Variants in ALK observed in about 807,000 individuals in gnomAD.
ALK encodes the protein ALK receptor tyrosine kinase.
Under a neutral mutation model 163.1 loss-of-function variants are expected in ALK, and 74 were observed. The observed-to-expected ratio is 0.45, with a 90% CI of 0.38 to 0.55. The LOEUF (loss-of-function observed/expected upper bound fraction) is 0.55, where lower values mean the gene tolerates loss of function less well. Among genes scored for constraint, ALK ranks in the 20% least tolerant of loss-of-function variants. The probability of loss-of-function intolerance (pLI) is 0.00; values close to 1 mark genes in which losing one functional copy is unlikely to be tolerated. For synonymous variants in ALK, 960 were observed against 843.2 expected, an observed-to-expected ratio of 1.14 and a Z score of -2.40; for missense variants, 2,063 against 2,105.3, an observed-to-expected ratio of 0.98 and a Z score of 0.39.
chr2:29,336,540 T>G (rs762827148), intron 5 of ALK, among the ~76,000 whole-genome samples: 1 of 152,216 alleles, frequency 6.6e-6, no homozygotes, highest in African/African-American at 2.4e-5. Context: ...TGGAGACACA[T>G]GTGGCCCAGG....
At chr2:29,408,425 A>C (rs1322911848) in intron 4 of ALK, among the ~76,000 whole-genome samples, 1 of 152,074 alleles carries the variant, frequency 6.6e-6, no homozygotes, top group Non-Finnish European at 1.5e-5. Flanking sequence ...CCAGGAGCTC[A>C]GGATGGAGTG....
chr2:29,280,592 AG>A (rs1665689057), intron 9 of ALK, among the ~76,000 whole-genome samples: 1 of 146,878 alleles, frequency 6.8e-6, no homozygotes, highest in African/African-American at 2.6e-5. Flanking sequence ...ATTCAGGGAA[AG>A]TTCTAGTATG....
At chr2:29,881,844 C>T (rs1011821077) in intron 1 of ALK, among the ~76,000 whole-genome samples, 1 of 152,110 alleles carries the variant, frequency 6.6e-6, no homozygotes. Context: ...TGTACTCCCC[C>T]ATTTTCCCTC....
intron 12 of ALK, among the ~76,000 whole-genome samples, chr2:29,249,832 G>A (rs942300267): frequency 3.9e-5 from 6 of 152,176 alleles, no homozygotes; most frequent in Non-Finnish European, 7.3e-5. Flanking sequence ...GGGGTGGTCC[G>A]GTGTCTTCCG....
At chr2:29,831,001 A>G (rs755085757) in intron 1 of ALK, among the ~76,000 whole-genome samples, 2,397 of 47,696 alleles carry the variant, frequency 0.05, 112 homozygotes, top group Non-Finnish European at 0.065. Flanking sequence ...GAAGAAGAAG[A>G]AGAAGAAGAA....
intron 4 of ALK, among the ~76,000 whole-genome samples, chr2:29,397,433 A>G (rs1427226173): frequency 6.6e-6 from 1 of 152,216 alleles, no homozygotes; most frequent in African/African-American, 2.4e-5. Context: ...TTGATCTTGG[A>G]CTTCTAGCCT....
At position 29,920,045 on chromosome 2, in the gene ALK, G is replaced by T. The variant is rs567498111; in HGVS notation, c.615C>A (p.Ser205=). 15 of 1,614,054 alleles carry T rather than the reference G, an allele frequency of 9.3e-6. No homozygotes were observed. Among genetic ancestry groups the T allele is most frequent in the Non-Finnish European group, 1.2e-5 (14 of 1,180,062 alleles). ...GGGGCTGGGAGGCGCGAATTGCCGCGGACAGCCTTCCCTCTCTGCCCACTT... is the reference window on the plus strand; with the variant it reads ...GGGGCTGGGAGGCGCGAATTGCCGCTGACAGCCTTCCCTCTCTGCCCACTT... ...ASEVGREGRL[S]AAIRASQPRL... Residue 205 remains serine, a synonymous_variant, in exon 1 of 29, where the codon TCC becomes TCA. Transcript: ENST00000389048.
intron 1 of ALK, among the ~76,000 whole-genome samples, chr2:29,866,910 C>A (rs999744930): frequency 6.6e-6 from 1 of 152,158 alleles, no homozygotes; most frequent in Non-Finnish European, 1.5e-5. Context: ...TGGTGTGCAC[C>A]AGAATCAGAA....
chr2:29,397,039 C>T (rs1209788072), intron 4 of ALK, among the ~76,000 whole-genome samples: 1 of 151,916 alleles, frequency 6.6e-6, no homozygotes, highest in African/African-American at 2.4e-5. Context: ...GGCTGGCTTC[C>T]TTCGGTCCTA....
chr2:29,603,684 G>A (rs1052650345), intron 3 of ALK, among the ~76,000 whole-genome samples: 3 of 152,058 alleles, frequency 2.0e-5, no homozygotes, highest in Non-Finnish European at 4.4e-5. Flanking sequence ...TGGTTTACCA[G>A]TTCATCCCTC....
intron 3 of ALK, among the ~76,000 whole-genome samples, chr2:29,543,467 T>C (rs527311289): frequency 6.6e-6 from 1 of 152,318 alleles, no homozygotes; most frequent in African/African-American, 2.4e-5. Context: ...AAAGGGCACG[T>C]CACCCTGAGT....
chr2:29,688,102 A>G (rs796607605), intron 3 of ALK, among the ~76,000 whole-genome samples: 20 of 152,304 alleles, frequency 1.3e-4, no homozygotes, highest in African/African-American at 4.8e-4. Flanking sequence ...TTCCTCTCCA[A>G]GTGATGTAGA....
chr2:29,827,111 G>A (rs76900609), intron 1 of ALK, among the ~76,000 whole-genome samples: 1,978 of 152,304 alleles, frequency 0.013, 41 homozygotes, highest in African/African-American at 0.045. Flanking sequence ...GGTAACTATT[G>A]CTAGAGGGAA....
chr2:29,912,020 G>A (rs1285221774), intron 1 of ALK, among the ~76,000 whole-genome samples: 1 of 152,098 alleles, frequency 6.6e-6, no homozygotes. Context: ...AGATAACAGA[G>A]GAAAGAGTCA....
At chr2:29,217,135 TGTGTGTGTGTGTGTA>T (rs1454433437) in intron 23 of ALK, among the ~76,000 whole-genome samples, 2 of 139,598 alleles carry the variant, frequency 1.4e-5, no homozygotes, top group African/African-American at 6.3e-5. Flanking sequence ...GTGTGGTGTG[TGTGTGTGTGTGTGTA>T]GTGTATGTGT....
chr2:29,628,294 A>G (rs1676255308), intron 3 of ALK, among the ~76,000 whole-genome samples: 1 of 152,202 alleles, frequency 6.6e-6, no homozygotes, highest in Non-Finnish European at 1.5e-5. Context: ...ACAAAACCAC[A>G]AGTAAAATTT....
intron 1 of ALK, among the ~76,000 whole-genome samples, chr2:29,855,715 G>C (rs1056698921): frequency 6.6e-6 from 1 of 152,202 alleles, no homozygotes; most frequent in Admixed American, 6.5e-5. Flanking sequence ...GGTCAGAGAA[G>C]GTTGGACAGA....
intron 8 of ALK, among the ~76,000 whole-genome samples, chr2:29,298,492 T>C (rs1666268124): frequency 6.6e-6 from 1 of 152,212 alleles, no homozygotes; most frequent in African/African-American, 2.4e-5. Context: ...TGAAGAATAC[T>C]GCTAATTTGA....
intron 3 of ALK, among the ~76,000 whole-genome samples, chr2:29,551,320 A>G (rs1673708118): frequency 6.6e-6 from 1 of 152,192 alleles, no homozygotes; most frequent in South Asian, 2.1e-4. Flanking sequence ...AGTCATTAAA[A>G]TTATTCTCTG....
Sources: allele counts gnomAD v4.1 joint callset (sites outside exome capture counted in the v4.1 genomes callset), GRCh38; gene constraint gnomAD v4.1.1; transcripts MANE v1.5; gene names NCBI Gene and HGNC (gene_info 2026-07-23, HGNC 2026-07-21).